Variants in C17orf58 observed in about 807,000 individuals in gnomAD.
The protein encoded by C17orf58 is UPF0450 protein C17orf58.
In C17orf58, 5 loss-of-function variants were observed where a neutral mutation model predicts 7.4. The observed-to-expected ratio is 0.67, with a 90% CI of 0.35 to 1.42. The LOEUF is 1.42. C17orf58 is among the 40% of genes most tolerant of loss of function. The pLI, the probability that C17orf58 is intolerant of heterozygous loss-of-function variation, is 0.04. For synonymous variants in C17orf58, 60 were observed against 70.6 expected (o/e 0.85, Z 0.75); for missense variants, 162 against 174.2 (o/e 0.93, Z 0.40).
At position 67,993,384 on chromosome 17, in the gene C17orf58, T is replaced by TCGCGGGGC. The variant is rs1357885038; in HGVS notation, c.637+32_637+39dup. 8.4e-6 allele frequency: 5 copies of TCGCGGGGC among 593,172 alleles called. No homozygotes were observed. The Admixed American group carries it at 1.7e-4, about 20-fold the overall frequency. 36.7% of individuals were successfully genotyped at this position (593,172 alleles called of 1,614,324 possible). A position where few individuals can be genotyped will look rare whatever the true frequency, so the allele number is the denominator to read the frequency against. On this transcript the variant is annotated intron_variant, in intron 2 of 3. Coordinates refer to ENST00000580729, the MANE Select transcript of C17orf58 (RefSeq NM_001382359.1). The surrounding 1 kb of genome is among the most constrained non-coding windows in gnomAD (Gnocchi z 5.1). ...CGGATTCTCCGGGGCTCGGAAAGGC[T>TCGCGGGGC]CGCGGGGCGGCGGGGCGGCGGCGCG...
In C17orf58 at chr17:67,991,966, T is replaced by G. The variant is rs1568260585; in HGVS notation, c.967A>C (p.Asn323His). Residue 323 changes from asparagine to histidine, a missense_variant, in exon 4 of 4, where the codon AAT (asparagine) becomes CAT (histidine). Asn to His is a moderately conservative substitution (Grantham distance 68, BLOSUM62 1). Transcript: ENST00000580729. The part of the protein sequence containing the change: ...RSSSSYVKRF[N>H]RKREGQIQGA... The stretch of plus-strand genomic sequence containing the variant: ...TGAATCTGCCCTTCCCTTTTTCGAT[T>G]AAACCTTTTCACATAGCTGCTGCTG... The G allele has an allele frequency of 6.2e-7, 1 of 1,612,922 alleles. No homozygotes were observed. The highest frequency in any genetic ancestry group is 2.2e-5 in the East Asian group (1 of 44,862).
At chr17:67,995,863 A>G (rs1301763755) in intron 1 of C17orf58, among the ~76,000 whole-genome samples, 11 of 152,350 alleles carry the variant, frequency 7.2e-5, no homozygotes, top group Middle Eastern at 6.8e-3. Context: ...ACTACTTAAC[A>G]TGCAAAGTTT....
chr17:67,992,050 T>C lies in C17orf58; in HGVS notation c.883A>G (p.Thr295Ala). 1 of 1,611,070 alleles carries C rather than the reference T, an allele frequency of 6.2e-7. No homozygotes were observed. Residue 295 changes from threonine (T) to alanine (A), a missense_variant, in exon 4 of 4, where the codon ACA (threonine) becomes GCA (alanine). By Grantham distance (58) the Thr-to-Ala change is moderately conservative. Transcript: ENST00000580729. ...CCTCTCAGGACCTGGAGCAGAGCTGTAGGGAGCTGCCGTCTCTTATGGTAG... is the reference window on the plus strand; with the variant it reads ...CCTCTCAGGACCTGGAGCAGAGCTGCAGGGAGCTGCCGTCTCTTATGGTAG... ...HIYHKRRQLP[T>A]ALLQVLRGRL...
Position 67,993,074 on chromosome 17 carries a change from A to G in C17orf58, c.799T>C (p.Cys267Arg), listed in dbSNP as rs781960314. Reference protein sequence around the residue: ...VHMLALDSSSCNKPCPEFKPG... With the variant: ...VHMLALDSSSRNKPCPEFKPG... ...TTAAACTCTGGACACGGCTTATTGC[A>G]GCTGGAGGAGTCCAGGGCTAACATG... is the stretch of plus-strand genomic sequence containing the variant. Residue 267 changes from cysteine to arginine, a missense_variant, in exon 3 of 4, where the codon TGC (cysteine) becomes CGC (arginine). Cys to Arg is a radical substitution (Grantham distance 180, BLOSUM62 -3). Coordinates refer to ENST00000580729, the MANE Select transcript of C17orf58 (RefSeq NM_001382359.1). This position sits in a 1 kb window ranked among gnomAD's most constrained non-coding sequence, Gnocchi z 5.1. The G allele has an allele frequency of 1.2e-6, 2 of 1,614,184 alleles. No homozygotes were observed. Among genetic ancestry groups the G allele is most frequent in the South Asian group, 2.2e-5 (2 of 91,088 alleles).
chr17:67,996,202 T>G lies in C17orf58; in HGVS notation c.-4A>C, dbSNP rs2070890423. The G allele has an allele frequency of 2.5e-6, 1 of 398,962 alleles. No homozygotes were observed. The highest frequency in any genetic ancestry group is 2.1e-5 in the African/African-American group (1 of 48,622). The allele number at this position is 398,962 out of a possible 1,614,324, so 24.7% of individuals were successfully genotyped here. A position where few individuals can be genotyped will look rare whatever the true frequency, so the allele number is the denominator to read the frequency against. On this transcript the variant is annotated 5_prime_UTR_variant, in exon 1 of 4. Coordinates refer to ENST00000580729, the MANE Select transcript of C17orf58 (RefSeq NM_001382359.1). ...GCCAGAAAGCTCTAGCTGTCATTTT[T>G]GCAGACAGGGTTCCCAGGCTCTAAA...
Position 67,996,134 on chromosome 17 carries a change from G to A in C17orf58, c.65C>T (p.Ala22Val), listed in dbSNP as rs1183174470. ...IVGSSPEAPV[A>V]ERKTSPPHSR... The stretch of plus-strand genomic sequence containing the variant: ...TACACCAATCTTACTTTTTCTCTCC[G>A]CCACCGGTGCTTCGGGGGATGATCC... Residue 22 changes from alanine to valine, a missense_variant, in exon 1 of 4, where the codon GCG (alanine) becomes GTG (valine). Ala to Val is a moderately conservative substitution (Grantham distance 64). Coordinates refer to ENST00000580729, the MANE Select transcript of C17orf58 (RefSeq NM_001382359.1). The A allele has an allele frequency of 5.0e-6, 2 of 398,278 alleles. No individual in the cohort carries two copies. The highest frequency in any genetic ancestry group is 4.1e-5 in the African/African-American group (2 of 48,218). The allele number at this position is 398,278 out of a possible 1,614,324, so 24.7% of individuals were successfully genotyped here.
At chr17:67,994,536 A>ATAT (rs1555699626) in intron 1 of C17orf58, among the ~76,000 whole-genome samples, 56 of 79,582 alleles carry the variant, frequency 7.0e-4, no homozygotes, top group Admixed American at 1.0e-3. Flanking sequence ...ATATATATAT[A>ATAT]AAACATATAT....
chr17:67,992,009 C>A lies in C17orf58; in HGVS notation c.924G>T (p.Gly308=). The part of the protein sequence containing the change: ...LQVLRGRLRP[G]DGLLRSSSSY... ...TGCTGCTGCTCCTTAGCAGTCCATC[C>A]CCTGGACGGAGGCGGCCTCTCAGGA... Residue 308 remains glycine (G), a synonymous_variant, in exon 4 of 4, where the codon GGG becomes GGT. Coordinates refer to ENST00000580729, the MANE Select transcript of C17orf58 (RefSeq NM_001382359.1). The A allele has an allele frequency of 1.2e-6, 2 of 1,613,106 alleles. No individual in the cohort carries two copies. Among genetic ancestry groups the A allele is most frequent in the Non-Finnish European group, 1.7e-6 (2 of 1,179,564 alleles).
Position 67,993,294 on chromosome 17 carries a change from C to A in C17orf58, c.638-59G>T. ...ACCCCGAGTTCCTCTCCCAGTCCCC[C>A]AGGAGGTGGTTTTTAGCAACCGCGA... On this transcript the variant is annotated intron_variant, in intron 2 of 3. Transcript: ENST00000580729. This position sits in a 1 kb window ranked among gnomAD's most constrained non-coding sequence, Gnocchi z 5.1. 8.9e-7 allele frequency: 1 copy of A among 1,126,832 alleles called. No individual in the cohort carries two copies. Among genetic ancestry groups the A allele is most frequent in the Non-Finnish European group, 1.3e-6 (1 of 796,026 alleles). 69.8% of individuals were successfully genotyped at this position (1,126,832 alleles called of 1,614,324 possible).
At chr17:67,994,504 G>GTATATATATATA (rs1430500248) in intron 1 of C17orf58, among the ~76,000 whole-genome samples, 8 of 15,486 alleles carry the variant, frequency 5.2e-4, no homozygotes, top group Non-Finnish European at 2.0e-3. Context: ...GTGTGTGTGT[G>GTATATATATATA]TGTGTGTGTG....
rs1555699751 is a variant in C17orf58, at chr17:67,996,113, C to T, written c.76+10G>A. ...TCCGCTCCCAGGGCCCCGCACTACA[C>T]CAATCTTACTTTTTCTCTCCGCCAC... On this transcript the variant is annotated intron_variant, in intron 1 of 3. Transcript: ENST00000580729. 2.5e-6 allele frequency: 1 copy of T among 398,902 alleles called. No homozygotes were observed. The highest frequency in any genetic ancestry group is 2.1e-5 in the African/African-American group (1 of 48,586). 24.7% of individuals were successfully genotyped at this position (398,902 alleles called of 1,614,324 possible).
At chr17:67,994,487 CGTGTGCGTGTGTGTGT>C (rs1158329045) in intron 1 of C17orf58, among the ~76,000 whole-genome samples, 1 of 42,718 alleles carries the variant, frequency 2.3e-5, no homozygotes, top group African/African-American at 6.5e-5. Flanking sequence ...TGTATGTGTG[CGTGTGCGTGTGTGTGT>C]GTGTGTGTGT....
At chr17:67,994,132 A>T in intron 1 of C17orf58, 148 bp from the exon 2 acceptor site, 2 of 327,244 alleles carry the variant, frequency 6.1e-6, no homozygotes, top group African/African-American at 2.2e-5. Context: ...GGAAGCCAGG[A>T]GGGGAGGAGG....
At position 67,994,495 on chromosome 17, in the gene C17orf58, T is replaced by C. The variant is rs1435342215; in HGVS notation, c.77-511A>G. ...ATATGTGTGTATGTGTGCGTGTGCGTGTGTGTGTGTGTGTGTGTGTGTATA... is the reference window on the plus strand; with the variant it reads ...ATATGTGTGTATGTGTGCGTGTGCGCGTGTGTGTGTGTGTGTGTGTGTATA... On this transcript the variant is annotated intron_variant, in intron 1 of 3. Transcript: ENST00000580729. 1.3e-4 allele frequency among the ~76,000 whole-genome samples: 11 copies of C among 83,440 alleles called. 1 individual carries two copies. Among genetic ancestry groups the C allele is most frequent in the African/African-American group, 2.3e-4 (5 of 21,320 alleles). The allele number at this position is 83,440 out of a possible 152,430, so 54.7% of individuals were successfully genotyped here.
In C17orf58 at chr17:67,991,814, T is replaced by G; in HGVS notation, c.*99A>C. ...AGTCATTCACAGAGTAGCTGAGGGC[T>G]CTCTTCTGAAGGAGGACCCATTACA... On this transcript the variant is annotated 3_prime_UTR_variant, in exon 4 of 4. Transcript: ENST00000580729. 1.1e-6 allele frequency: 1 copy of G among 951,570 alleles called. No homozygotes were observed. Among genetic ancestry groups the G allele is most frequent in the Admixed American group, 2.6e-5 (1 of 38,638 alleles). The allele number at this position is 951,570 out of a possible 1,614,324, so 58.9% of individuals were successfully genotyped here. A position where few individuals can be genotyped will look rare whatever the true frequency, so the allele number is the denominator to read the frequency against.
rs1210907110 is a variant in C17orf58 at position 67,993,382 on chromosome 17, G to C, written c.637+42C>G. ...GGCGGATTCTCCGGGGCTCGGAAAG[G>C]CTCGCGGGGCGGCGGGGCGGCGGCG... On this transcript the variant is annotated intron_variant, in intron 2 of 3. Transcript: ENST00000580729. The surrounding 1 kb of genome is among the most constrained non-coding windows in gnomAD (Gnocchi z 5.1). 1 of 595,882 alleles carries C rather than the reference G, an allele frequency of 1.7e-6. No homozygotes were observed. Among genetic ancestry groups the C allele is most frequent in the Non-Finnish European group, 2.9e-6 (1 of 341,148 alleles). 36.9% of individuals were successfully genotyped at this position (595,882 alleles called of 1,614,324 possible). A position where few individuals can be genotyped will look rare whatever the true frequency, so the allele number is the denominator to read the frequency against.
Position 67,991,902 on chromosome 17 carries a change from G to C in C17orf58, c.*11C>G, listed in dbSNP as rs2070834936. ...AGTCTCTTGCGGTCCAGAAATGCCA[G>C]GATGGTTGTTTCAAATGCATTGGGT... On this transcript the variant is annotated 3_prime_UTR_variant, in exon 4 of 4. Transcript: ENST00000580729. 3 of 1,590,646 alleles carry C rather than the reference G, an allele frequency of 1.9e-6. No homozygotes were observed. The highest frequency in any genetic ancestry group is 2.6e-6 in the Non-Finnish European group (3 of 1,166,536).
chr17:67,994,535 T>TATATATATATATATAAA (rs71142122), intron 1 of C17orf58, among the ~76,000 whole-genome samples: 1 of 100,310 alleles, frequency 1.0e-5, no homozygotes, highest in Non-Finnish European at 2.3e-5. Context: ...TATATATATA[T>TATATATATATATATAAA]AAAACATATA....
At chr17:67,992,208 C>T in intron 3 of C17orf58, 105 bp from the exon 4 acceptor site, 1 of 1,024,154 alleles carries the variant, frequency 9.8e-7, no homozygotes, top group East Asian at 2.6e-5. Flanking sequence ...TATTATCTTG[C>T]TGCACAAGTT....
Sources: allele counts gnomAD v4.1 joint callset (sites outside exome capture counted in the v4.1 genomes callset), GRCh38; gene constraint gnomAD v4.1.1; non-coding constraint Gnocchi (gnomAD v3.1); transcripts MANE v1.5; gene names NCBI Gene and HGNC (gene_info 2026-07-23, HGNC 2026-07-21).